Variants in TUSC3 observed in about 807,000 individuals in gnomAD.
TUSC3 encodes tumor suppressor candidate 3, also known as dolichyl-diphosphooligosaccharide--protein glycosyltransferase subunit TUSC3.
Under a neutral mutation model 44.8 loss-of-function variants are expected in TUSC3, and 45 were observed. The ratio of observed to expected loss-of-function variants is 1.00; its 90% confidence interval spans 0.79 to 1.29. The LOEUF (loss-of-function observed/expected upper bound fraction) is 1.29. TUSC3 is among the 50% of genes most tolerant of loss of function. TUSC3 has a pLI of 0.00. For missense variants in TUSC3, 519 were observed against 437.9 expected (o/e 1.19, Z -1.65); for synonymous variants, 212 against 152.9 (o/e 1.39, Z -2.85).
intron 1 of TUSC3, among the ~76,000 whole-genome samples, chr8:15,622,561 A>T (rs1485329314): frequency 6.6e-6 from 1 of 152,232 alleles, no homozygotes; most frequent in Non-Finnish European, 1.5e-5. Flanking sequence ...ACTAGCCACC[A>T]TAATGACTTT....
intron 2 of TUSC3, among the ~76,000 whole-genome samples, chr8:15,641,630 T>C (rs1329813601): frequency 6.6e-6 from 1 of 152,184 alleles, no homozygotes; most frequent in Non-Finnish European, 1.5e-5. Flanking sequence ...TCATGACAAC[T>C]GTTGAGAGAG....
intron 8 of TUSC3, 80 bp from the exon 9 acceptor site, chr8:15,748,295 G>C: frequency 9.6e-7 from 1 of 1,041,034 alleles, no homozygotes; most frequent in Non-Finnish European, 1.5e-6. Flanking sequence ...TACTGTAATT[G>C]AATGCATTTA....
chr8:15,707,780 G>A (rs1809678676), intron 6 of TUSC3, among the ~76,000 whole-genome samples: 1 of 151,892 alleles, frequency 6.6e-6, no homozygotes, highest in South Asian at 2.1e-4. Context: ...CACAAACCGG[G>A]TAACTTTAAA....
At chr8:15,495,146 C>T (rs906584550) in intron 2 of TUSC3, among the ~76,000 whole-genome samples, 1 of 127,614 alleles carries the variant, frequency 7.8e-6, no homozygotes, top group African/African-American at 2.9e-5. Context: ...TCTTCATCCA[C>T]TCAACCGCTG....
At chr8:15,463,760 A>T (rs1482305379) in intron 1 of TUSC3, among the ~76,000 whole-genome samples, 1 of 152,188 alleles carries the variant, frequency 6.6e-6, no homozygotes, top group Admixed American at 6.5e-5. Context: ...TTCTGTCATC[A>T]GTTCGTCGCT....
intron 2 of TUSC3, among the ~76,000 whole-genome samples, chr8:15,519,605 ACTC>A (rs1457078800): frequency 6.6e-6 from 1 of 151,976 alleles, no homozygotes; most frequent in Admixed American, 6.6e-5. Flanking sequence ...TAGGTTGTGT[ACTC>A]CTTATGAGAA....
the TUSC3 span, among the ~76,000 whole-genome samples, chr8:15,791,321 G>A: frequency 6.6e-6 from 1 of 151,650 alleles, no homozygotes; most frequent in African/African-American, 2.4e-5. Flanking sequence ...CTTGAAATAC[G>A]ATTATCCATA....
chr8:15,441,383 G>T (rs540931390), intron 1 of TUSC3, among the ~76,000 whole-genome samples: 2 of 152,190 alleles, frequency 1.3e-5, no homozygotes, highest in East Asian at 3.9e-4. Context: ...CTCCAGGCTG[G>T]GTGAGACAGC....
chr8:15,647,427 G>A (rs1339716132), intron 2 of TUSC3, among the ~76,000 whole-genome samples: 1 of 151,844 alleles, frequency 6.6e-6, no homozygotes, highest in Admixed American at 6.6e-5. Flanking sequence ...GAATAAATAC[G>A]GTTTTCTTAC....
chr8:15,437,842 C>A (rs1192232745), intron 1 of TUSC3, among the ~76,000 whole-genome samples: 1 of 152,144 alleles, frequency 6.6e-6, no homozygotes, highest in Non-Finnish European at 1.5e-5. Context: ...CTGAGATACT[C>A]ATCTATTAAA....
intron 2 of TUSC3, among the ~76,000 whole-genome samples, chr8:15,489,446 C>T (rs1017785398): frequency 6.6e-6 from 1 of 152,150 alleles, no homozygotes; most frequent in African/African-American, 2.4e-5. Flanking sequence ...TTAGAAGTTG[C>T]TGGACTCTCA....
intron 1 of TUSC3, among the ~76,000 whole-genome samples, chr8:15,476,993 A>G (rs547571079): frequency 2.0e-5 from 3 of 152,324 alleles, no homozygotes; most frequent in African/African-American, 7.2e-5. Context: ...GAAGAGTTGG[A>G]TTGCAATCAA....
At position 15,446,400 on chromosome 8, in the gene TUSC3, G is replaced by C. The variant is rs545423626; in HGVS notation, n.91+29095G>C. ...GTGGCTGGGAGGTGGAGGTTGTAGC[G>C]AGTCGAGATCACGCCACTGCACTCC... On this transcript the variant is annotated intron_variant and non_coding_transcript_variant, in intron 1 of 5. Transcript: ENST00000503191. Among the ~76,000 whole-genome samples, 32 of 152,162 alleles carry C rather than the reference G, an allele frequency of 2.1e-4. No individual in the cohort carries two copies. The South Asian group carries it at 3.1e-3, about 15-fold the overall frequency.
chr8:15,684,485 C>T lies in TUSC3; in HGVS notation c.798+10649C>T, dbSNP rs572103521. 8.5e-5 allele frequency among the ~76,000 whole-genome samples: 13 copies of T among 152,280 alleles called. No individual in the cohort carries two copies. In the East Asian group the frequency reaches 2.1e-3, roughly 25 times the overall value. ...GTGGGTCTCCCGCCAGTGTCTGCAC[C>T]AGGAGCAGGCCCAACCGGCTAAGCT... On this transcript the variant is annotated intron_variant, in intron 6 of 10. Transcript: ENST00000503731.
At chr8:15,805,544 G>A in the TUSC3 span, among the ~76,000 whole-genome samples, 1,331 of 152,230 alleles carry the variant, frequency 8.7e-3, 8 homozygotes, top group Non-Finnish European at 0.014. Flanking sequence ...ATGAAAGGAT[G>A]TTGGATTTTA....
chr8:15,697,098 T>C (rs565661599), intron 6 of TUSC3, among the ~76,000 whole-genome samples: 1 of 152,338 alleles, frequency 6.6e-6, no homozygotes, highest in African/African-American at 2.4e-5. Flanking sequence ...GAATGATCTT[T>C]TGTATTTCAG....
intron 1 of TUSC3, among the ~76,000 whole-genome samples, chr8:15,620,670 T>C (rs1805203834): frequency 6.6e-6 from 1 of 152,194 alleles, no homozygotes; most frequent in Non-Finnish European, 1.5e-5. Flanking sequence ...TACCTAGTCC[T>C]TTGTTACTTA....
chr8:15,764,137 TAACA>T (rs1428431014), intron 10 of TUSC3, 62 bp from the exon 11 acceptor site: 7 of 1,403,730 alleles, frequency 5.0e-6, no homozygotes, highest in Non-Finnish European at 7.0e-6. Flanking sequence ...TAGAATGGAA[TAACA>T]AACATATTGT....
At chr8:15,604,216 C>G (rs941557344) in intron 1 of TUSC3, among the ~76,000 whole-genome samples, 3 of 151,262 alleles carry the variant, frequency 2.0e-5, no homozygotes, top group Non-Finnish European at 4.4e-5. Context: ...TTTTATGTAC[C>G]TGTTTATGGG....
Sources: gnomAD v4.1 joint callset for allele counts (sites outside exome capture counted in the v4.1 genomes callset) on GRCh38, gnomAD v4.1.1 for gene constraint, MANE v1.5 for transcripts, NCBI Gene and HGNC (gene_info 2026-07-23, HGNC 2026-07-21) for gene names.